NRAP: variants seen among roughly 807,000 people sequenced by gnomAD.
The protein encoded by NRAP is nebulin-related-anchoring protein.
Under a neutral mutation model 225.9 loss-of-function variants are expected in NRAP, and 189 were observed. That is an observed-to-expected ratio of 0.84 (90% CI 0.74 to 0.94). NRAP has a LOEUF of 0.94. Ranked by LOEUF, NRAP falls within the 40% of genes least tolerant of loss-of-function variation. The pLI, the probability that NRAP is intolerant of heterozygous loss-of-function variation, is 0.00. For missense variants in NRAP, 2,176 were observed against 2,168.7 expected, an observed-to-expected ratio of 1.00 and a Z score of -0.07; for synonymous variants, 769 against 790.7, an observed-to-expected ratio of 0.97 and a Z score of 0.46.
In NRAP at chr10:113,588,998, TTTTGA is replaced by T; in HGVS notation, c.5165_5169del (p.Val1722GlufsTer16). On this transcript the variant is annotated frameshift_variant, in exon 42 of 42. Coordinates refer to ENST00000359988, the MANE Select transcript of NRAP (RefSeq NM_198060.4). LOFTEE classifies it high-confidence loss of function. ...GCTCACAACAGCAGGGCCTTCTTCT[TTTTGA>T]CGTGCAGAATCTCAGTGGCATCTGG... The T allele has an allele frequency of 6.2e-7, 1 of 1,613,964 alleles. No individual in the cohort carries two copies. The highest frequency in any genetic ancestry group is 8.5e-7 in the Non-Finnish European group (1 of 1,179,932).
Position 113,604,925 on chromosome 10 carries a change from A to T in NRAP, c.3916-5T>A, listed in dbSNP as rs758734599. On this transcript the variant is annotated splice_polypyrimidine_tract_variant and splice_region_variant and intron_variant, in intron 34 of 41. Coordinates refer to ENST00000359988, the MANE Select transcript of NRAP (RefSeq NM_198060.4). ...AAAGTCATGTCTGTAGAGAAACTGC[A>T]AGAAAGGGCTGGCCGGTCAAATTCT... is the stretch of plus-strand genomic sequence containing the variant. 2.5e-6 allele frequency: 4 copies of T among 1,607,600 alleles called. No homozygotes were observed. In the South Asian group the frequency reaches 3.3e-5, roughly 13 times the overall value.
chr10:113,618,587 G>T (rs1847803054), intron 25 of NRAP, among the ~76,000 whole-genome samples: 1 of 152,232 alleles, frequency 6.6e-6, no homozygotes, highest in Non-Finnish European at 1.5e-5. Flanking sequence ...CCTCTGCTTT[G>T]GATCGTAGGT....
intron 12 of NRAP, 45 bp downstream of exon 12, chr10:113,642,889 G>A (rs373024546): frequency 2.0e-6 from 2 of 988,958 alleles, no homozygotes; most frequent in South Asian, 2.6e-5. Context: ...TAAAGACTAA[G>A]CTCACCAACA....
intron 31 of NRAP, among the ~76,000 whole-genome samples, chr10:113,608,943 A>G (rs1847167025): frequency 6.6e-6 from 1 of 152,070 alleles, no homozygotes; most frequent in Non-Finnish European, 1.5e-5. Context: ...GGGATCCCCT[A>G]AGGTCAGGAG....
Position 113,614,228 on chromosome 10 carries a change from A to G in NRAP, c.3255T>C (p.Asp1085=). ...CATACACTGAATGTGCAAGGCTGAT[A>G]TCATCTTCCAAGCTCCGGGAACCAA... ...QMLGSRSLED[D]ISLAHSVYAT... is the part of the protein sequence containing the mutation. Residue 1085 remains aspartate, a synonymous_variant, in exon 29 of 42, where the codon GAT becomes GAC. Coordinates refer to ENST00000359988, the MANE Select transcript of NRAP (RefSeq NM_198060.4). 6.2e-7 allele frequency: 1 copy of G among 1,614,092 alleles called. No homozygotes were observed. Among genetic ancestry groups the G allele is most frequent in the Non-Finnish European group, 8.5e-7 (1 of 1,179,936 alleles).
At chr10:113,639,278 A>C (rs1849061198) in intron 14 of NRAP, among the ~76,000 whole-genome samples, 1 of 152,164 alleles carries the variant, frequency 6.6e-6, no homozygotes. Context: ...CATTCAATAA[A>C]TATCATTTGC....
chr10:113,653,471 T>G (rs1427624561), intron 5 of NRAP, among the ~76,000 whole-genome samples: 1 of 152,358 alleles, frequency 6.6e-6, no homozygotes, highest in East Asian at 1.9e-4. Flanking sequence ...ATGAGACTTA[T>G]CACCTTAGCA....
chr10:113,621,908 C>T lies in NRAP; in HGVS notation c.2730G>A (p.Lys910=), dbSNP rs1406361833. The T allele has an allele frequency of 1.2e-6, 2 of 1,613,822 alleles. No individual in the cohort carries two copies. The highest frequency in any genetic ancestry group is 1.3e-5 in the African/African-American group (1 of 75,050). The change falls in exon 24 of 42, where the codon AAG becomes AAA. Residue 910 remains lysine, a synonymous_variant. Coordinates refer to ENST00000359988, the MANE Select transcript of NRAP (RefSeq NM_198060.4). ...CATAAGCCTTCTTGGCCCATTCCAC[C>T]TTCATGTCTGTGGGCAAAGCCGTAA... ...HHFTALPTDM[K]VEWAKKAYGL...
intron 38 of NRAP, among the ~76,000 whole-genome samples, chr10:113,592,742 C>A (rs984284895): frequency 2.0e-5 from 3 of 152,226 alleles, no homozygotes; most frequent in African/African-American, 7.2e-5. Flanking sequence ...GTTAGCTCCA[C>A]TGACATCCGG....
intron 4 of NRAP, among the ~76,000 whole-genome samples, chr10:113,655,273 A>G (rs979777070): frequency 3.9e-5 from 6 of 152,214 alleles, no homozygotes; most frequent in African/African-American, 1.4e-4. Flanking sequence ...CTCCATTAAA[A>G]TTTAAAAGGG....
chr10:113,619,721 C>G (rs900525934), intron 25 of NRAP, among the ~76,000 whole-genome samples: 1 of 151,886 alleles, frequency 6.6e-6, no homozygotes, highest in Admixed American at 6.6e-5. Flanking sequence ...CCAGAAAGAC[C>G]AGGCCTACTC....
Position 113,626,049 on chromosome 10 carries a change from C to T in NRAP, c.2242G>A (p.Gly748Arg), listed in dbSNP as rs145550333. Residue 748 changes from glycine to arginine, a missense_variant and splice_region_variant, in exon 21 of 42, where the codon GGG becomes AGG. Gly to Arg is a moderately radical substitution (Grantham distance 125). Transcript: ENST00000359988. ...AGAAAGGGCAGCCCAGGACTCACCC[C>T]GCTCTGTAGCTCCTGGCTCTTCTTG... Reference protein sequence around the residue: ...HAKKSQELQSGVAYKAGNEQS... With the variant: ...HAKKSQELQSRVAYKAGNEQS... 5.8e-5 allele frequency: 94 copies of T among 1,608,206 alleles called. No homozygotes were observed. The highest frequency in any genetic ancestry group is 7.8e-5 in the South Asian group (7 of 89,970).
chr10:113,647,396 C>T (rs1367609023), intron 9 of NRAP, among the ~76,000 whole-genome samples: 3 of 152,112 alleles, frequency 2.0e-5, no homozygotes, highest in African/African-American at 7.2e-5. Flanking sequence ...CACTACCTTA[C>T]TCACACCCAG....
intron 39 of NRAP, 107 bp downstream of exon 39, chr10:113,592,087 G>A: frequency 1.8e-6 from 1 of 548,618 alleles, no homozygotes; most frequent in Non-Finnish European, 3.2e-6. Context: ...TTTTGGTGCA[G>A]AGAGAGAGAT....
chr10:113,621,858 A>T lies in NRAP; in HGVS notation c.2769+11T>A. 6.3e-7 allele frequency: 1 copy of T among 1,597,888 alleles called. No individual in the cohort carries two copies. The highest frequency in any genetic ancestry group is 1.1e-5 in the South Asian group (1 of 88,666). ...TACACACACAAGTGCACACACTCAC[A>T]CAGAGCTTACATCACTCTGTAAGCC... On this transcript the variant is annotated intron_variant, in intron 24 of 41. Coordinates refer to ENST00000359988, the MANE Select transcript of NRAP (RefSeq NM_198060.4).
At chr10:113,646,866 C>T in intron 10 of NRAP, 57 bp downstream of exon 10, 1 of 1,171,056 alleles carries the variant, frequency 8.5e-7, no homozygotes, top group Non-Finnish European at 1.3e-6. Flanking sequence ...TAAGCACAGC[C>T]TTCAAAGTCT....
intron 29 of NRAP, 130 bp from the exon 30 acceptor site, chr10:113,612,561 C>T (rs1847398068): frequency 7.1e-6 from 5 of 707,248 alleles, no homozygotes; most frequent in Non-Finnish European, 1.2e-5. Context: ...GGCCAGTGCT[C>T]CTTTCTTGCA....
At chr10:113,650,574 G>A (rs1219922659) in intron 7 of NRAP, 29 bp from the exon 8 acceptor site, 1 of 1,414,250 alleles carries the variant, frequency 7.1e-7, no homozygotes, top group Admixed American at 1.7e-5. Context: ...TGAATCACAT[G>A]CCCCATGTTT....
chr10:113,624,885 T>G lies in NRAP; in HGVS notation c.2290A>C (p.Ile764Leu), dbSNP rs762786997. ...AGGAAGAGAGGCTCGTCTTTGCTGA[T>G]GGTATACTGATGGACAGACTGCTCA... ...GNEQSVHQYT[I>L]SKDEPLFLQA... Residue 764 changes from isoleucine (I) to leucine (L), a missense_variant, in exon 22 of 42, where the codon ATC (isoleucine) becomes CTC (leucine). Coordinates refer to ENST00000359988, the MANE Select transcript of NRAP (RefSeq NM_198060.4). 1.4e-5 allele frequency: 22 copies of G among 1,614,082 alleles called. No homozygotes were observed. The South Asian group carries it at 2.4e-4, about 18-fold the overall frequency.
Sources: gnomAD v4.1 joint callset for allele counts (sites outside exome capture counted in the v4.1 genomes callset) on GRCh38, gnomAD v4.1.1 for gene constraint, MANE v1.5 for transcripts, NCBI Gene and HGNC (gene_info 2026-07-23, HGNC 2026-07-21) for gene names.